SUPT20H: variants seen among roughly 807,000 people sequenced by gnomAD.
The protein encoded by SUPT20H is SPT20 homolog, SAGA complex component.
Under a neutral mutation model 122.8 loss-of-function variants are expected in SUPT20H, and 82 were observed. That is an observed-to-expected ratio of 0.67 (90% CI 0.56 to 0.80). The LOEUF (loss-of-function observed/expected upper bound fraction) is 0.80, where lower values mean the gene tolerates loss of function less well. SUPT20H is among the 30% of genes least tolerant of loss of function. The probability of loss-of-function intolerance (pLI) is 0.00; values close to 1 mark genes in which losing one functional copy is unlikely to be tolerated. For synonymous variants in SUPT20H, 291 were observed against 313.0 expected (o/e 0.93, Z 0.74); for missense variants, 831 against 921.6 (o/e 0.90, Z 1.27).
intron 9 of SUPT20H, among the ~76,000 whole-genome samples, chr13:37,035,751 C>T (rs936860893): frequency 3.9e-5 from 6 of 152,050 alleles, no homozygotes; most frequent in Admixed American, 1.3e-4. Context: ...AGGCTGGTCT[C>T]GAACTGCTGA....
chr13:37,050,161 CAA>C lies in SUPT20H; in HGVS notation c.3+1325_3+1326del, dbSNP rs1320078138. ...CAAATATCTAAATATGATAAGTGAA[CAA>C]AGTCTGAAATCTGCCATCTTTTCAA... On this transcript the variant is annotated intron_variant, in intron 2 of 25. Coordinates refer to ENST00000350612, the MANE Select transcript of SUPT20H (RefSeq NM_001014286.3). 1.2e-4 allele frequency among the ~76,000 whole-genome samples: 18 copies of C among 151,954 alleles called. 1 individual carries two copies. The highest frequency in any genetic ancestry group is 2.1e-4 in the Non-Finnish European group (14 of 67,980).
rs140173985 is a variant in SUPT20H at position 37,052,309 on chromosome 13, T to C, written c.-93-726A>G. ...CAATGCTACAGTAACCAAAACAGCA[T>C]GCTACTGGTACCAAAACAGATATAC... is the stretch of plus-strand genomic sequence containing the variant. On this transcript the variant is annotated intron_variant, in intron 1 of 25. Coordinates refer to ENST00000350612, the MANE Select transcript of SUPT20H (RefSeq NM_001014286.3). Among the ~76,000 whole-genome samples, 118 of 152,296 alleles carry C rather than the reference T, an allele frequency of 7.7e-4. 3 individuals are homozygous for C. The East Asian group carries it at 0.022, about 28-fold the overall frequency.
chr13:37,019,314 T>G (rs373378193), intron 22 of SUPT20H, 28 bp downstream of exon 22: 2 of 1,553,702 alleles, frequency 1.3e-6, no homozygotes, highest in East Asian at 2.3e-5. Context: ...TACAAAAAAT[T>G]TAATCAAAAG....
chr13:37,028,355 A>T lies in SUPT20H; in HGVS notation c.994-50T>A, dbSNP rs201567744. On this transcript the variant is annotated intron_variant, in intron 13 of 25. Transcript: ENST00000350612. Reference sequence around the variant, plus strand: ...TAAATACCTTCACAAGTAGGCAGGCAATAAGAATTAGTAAAAATCAGGAAT... The same window carrying T: ...TAAATACCTTCACAAGTAGGCAGGCTATAAGAATTAGTAAAAATCAGGAAT... The T allele has an allele frequency of 3.3e-6, 5 of 1,527,590 alleles. No homozygotes were observed. In the East Asian group the frequency reaches 9.3e-5, roughly 28 times the overall value. 94.6% of individuals were successfully genotyped at this position (1,527,590 alleles called of 1,614,324 possible).
At chr13:37,014,568 A>G (rs1382498981) in intron 23 of SUPT20H, among the ~76,000 whole-genome samples, 1 of 152,170 alleles carries the variant, frequency 6.6e-6, no homozygotes, top group Non-Finnish European at 1.5e-5. Context: ...GCAGAAAGAT[A>G]TTTGGAAAAT....
rs374379936 is a variant in SUPT20H, at chr13:37,040,590, G to A, written c.499C>T (p.Arg167Cys). The change falls in exon 8 of 26, where the codon CGT becomes TGT. Residue 167 changes from arginine (R) to cysteine (C), a missense_variant. Physicochemically the swap from Arg to Cys is radical, Grantham distance 180 (BLOSUM62 -3). Transcript: ENST00000350612. Reference sequence around the variant, plus strand: ...AACATCCTTACCTGCATTGTTGGACGTAAGAGAATGTGCCGACTTTGGTAA... The same window carrying A: ...AACATCCTTACCTGCATTGTTGGACATAAGAGAATGTGCCGACTTTGGTAA... ...PGYQSRHILL[R>C]PTMQTLICDV... 1.9e-6 allele frequency: 3 copies of A among 1,613,826 alleles called. No homozygotes were observed. Among genetic ancestry groups the A allele is most frequent in the Non-Finnish European group, 2.5e-6 (3 of 1,179,818 alleles).
chr13:37,013,322 A>C (rs2059913006), intron 23 of SUPT20H: 1 of 152,084 alleles, frequency 6.6e-6, no homozygotes. Flanking sequence ...ACTTTTAACA[A>C]ATGTGCAGAA....
At chr13:37,015,387 A>G (rs1187029893) in intron 23 of SUPT20H, among the ~76,000 whole-genome samples, 1 of 151,810 alleles carries the variant, frequency 6.6e-6, no homozygotes, top group Non-Finnish European at 1.5e-5. Flanking sequence ...GCCAACATGC[A>G]TATGAAAAGA....
intron 1 of SUPT20H, 111 bp downstream of exon 1, chr13:37,059,448 C>G (rs565186331): frequency 6.6e-6 from 1 of 152,432 alleles, no homozygotes; most frequent in South Asian, 2.1e-4. Context: ...CCCCGTCTTC[C>G]TCCAGCGGGC....
chr13:37,046,187 A>G lies in SUPT20H; in HGVS notation c.166-814T>C, dbSNP rs9603133. ...GATAAATTCTTAATCTGTCATCACC[A>G]TAGAATCAAAACACTAAGCAATCTG... On this transcript the variant is annotated intron_variant, in intron 5 of 25. Transcript: ENST00000350612. 5.5e-3 allele frequency among the ~76,000 whole-genome samples: 842 copies of G among 152,264 alleles called. 6 individuals carry two copies. Among genetic ancestry groups the G allele is most frequent in the African/African-American group, 0.019 (792 of 41,568 alleles).
intron 24 of SUPT20H, chr13:37,010,942 A>G (rs2059506801): frequency 1.7e-5 from 4 of 241,234 alleles, no homozygotes; most frequent in East Asian, 7.5e-5. Flanking sequence ...TATTGATGCT[A>G]TTTTGTTTAG....
intron 19 of SUPT20H, chr13:37,023,525 T>C (rs1594052695): frequency 6.6e-6 from 1 of 152,630 alleles, no homozygotes; most frequent in Admixed American, 6.5e-5. Flanking sequence ...TTTTAGTAAC[T>C]GACAACAATT....
chr13:37,051,591 G>T lies in SUPT20H; in HGVS notation c.-93-8C>A. 4.9e-6 allele frequency: 5 copies of T among 1,013,466 alleles called. No homozygotes were observed. The South Asian group carries it at 7.2e-5, about 15-fold the overall frequency. 62.8% of individuals were successfully genotyped at this position (1,013,466 alleles called of 1,614,324 possible). A position where few individuals can be genotyped will look rare whatever the true frequency, so the allele number is the denominator to read the frequency against. ...AACATCAATCTTACAGTACTGAAAA[G>T]CAAAAACAATAAAACCCCAATATTA... On this transcript the variant is annotated splice_region_variant and splice_polypyrimidine_tract_variant and intron_variant, in intron 1 of 25. Coordinates refer to ENST00000350612, the MANE Select transcript of SUPT20H (RefSeq NM_001014286.3).
At chr13:37,029,706 T>A in intron 13 of SUPT20H, 59 bp downstream of exon 13, 1 of 1,473,234 alleles carries the variant, frequency 6.8e-7, no homozygotes. Context: ...GTTTAATAAA[T>A]TCAGAGGCCA....
Position 37,025,317 on chromosome 13 carries a change from C to G in SUPT20H, c.1329+3G>C. 1 of 1,588,960 alleles carries G rather than the reference C, an allele frequency of 6.3e-7. No homozygotes were observed. The highest frequency in any genetic ancestry group is 2.2e-5 in the East Asian group (1 of 44,750). On this transcript the variant is annotated splice_donor_region_variant and intron_variant, in intron 17 of 25. Transcript: ENST00000350612. ...ACAAAGAAGTAACATTAATGAAACACACATCTGTTTCTTTCCCTGGAGAAA... is the reference window on the plus strand; with the variant it reads ...ACAAAGAAGTAACATTAATGAAACAGACATCTGTTTCTTTCCCTGGAGAAA...
chr13:37,017,473 G>C (rs2060711544), intron 22 of SUPT20H, 109 bp from the exon 23 acceptor site: 1 of 1,131,864 alleles, frequency 8.8e-7, no homozygotes, highest in Admixed American at 3.1e-5. Context: ...CACTCTTCTA[G>C]TTATTGAAGA....
At chr13:37,031,501 A>G in intron 12 of SUPT20H, 66 bp downstream of exon 12, 1 of 1,085,394 alleles carries the variant, frequency 9.2e-7, no homozygotes, top group South Asian at 2.0e-5. Context: ...TTCTCAAGGT[A>G]TAAGCAACCG....
Position 37,028,130 on chromosome 13 carries a change from GTATT to G in SUPT20H, c.1151+14_1151+17del. 1 of 1,530,600 alleles carries G rather than the reference GTATT, an allele frequency of 6.5e-7. No individual in the cohort carries two copies. The highest frequency in any genetic ancestry group is 8.7e-7 in the Non-Finnish European group (1 of 1,143,490). 94.8% of individuals were successfully genotyped at this position (1,530,600 alleles called of 1,614,324 possible). A position where few individuals can be genotyped will look rare whatever the true frequency, so the allele number is the denominator to read the frequency against. On this transcript the variant is annotated intron_variant, in intron 14 of 25. Coordinates refer to ENST00000350612, the MANE Select transcript of SUPT20H (RefSeq NM_001014286.3). ...CTTATTTTTTTTTTTCCAGTTACTT[GTATT>G]TAACAGAACTCACTGTGATGGAGAC...
Position 37,040,469 on chromosome 13 carries a change from TA to T in SUPT20H, c.514-12del. 6.4e-7 allele frequency: 1 copy of T among 1,572,906 alleles called. No individual in the cohort carries two copies. Among genetic ancestry groups the T allele is most frequent in the Non-Finnish European group, 8.6e-7 (1 of 1,165,926 alleles). On this transcript the variant is annotated splice_polypyrimidine_tract_variant and intron_variant, in intron 8 of 25. Coordinates refer to ENST00000350612, the MANE Select transcript of SUPT20H (RefSeq NM_001014286.3). ...ATCACAAATTAAAGTCTAGAAGAAA[TA>T]AAAATTTAAAAAACTTATTAATCTA...
Sources: gnomAD v4.1 joint callset for allele counts (sites outside exome capture counted in the v4.1 genomes callset) on GRCh38, gnomAD v4.1.1 for gene constraint, MANE v1.5 for transcripts, NCBI Gene and HGNC (gene_info 2026-07-23, HGNC 2026-07-21) for gene names.